Variants in UGT3A2 observed in about 807,000 individuals in gnomAD.
UGT3A2 encodes the protein UDP glycosyltransferase family 3 member A2.
A neutral mutation model predicts 39.8 loss-of-function variants in UGT3A2; 32 were observed. That is an observed-to-expected ratio of 0.80 (90% CI 0.61 to 1.08). The LOEUF is 1.08. Among genes scored for constraint, UGT3A2 ranks in the 50% least tolerant of loss-of-function variants. The pLI is 0.00. For missense variants in UGT3A2, 611 were observed against 637.1 expected, an observed-to-expected ratio of 0.96 and a Z score of 0.44; for synonymous variants, 241 against 230.7, an observed-to-expected ratio of 1.04 and a Z score of -0.40.
At chr5:36,040,525 G>A (rs1232103503) in intron 4 of UGT3A2, among the ~76,000 whole-genome samples, 4 of 152,174 alleles carry the variant, frequency 2.6e-5, no homozygotes, top group Admixed American at 1.3e-4. Context: ...CAGAATCTGT[G>A]TGCTTAGGGG....
intron 4 of UGT3A2, among the ~76,000 whole-genome samples, chr5:36,043,822 T>C (rs1581000932): frequency 6.6e-6 from 1 of 152,074 alleles, no homozygotes; most frequent in East Asian, 1.9e-4. Flanking sequence ...ATCCTGAACC[T>C]GAACAGACCA....
At chr5:36,054,547 G>A (rs1300861349) in intron 2 of UGT3A2, among the ~76,000 whole-genome samples, 2 of 152,032 alleles carry the variant, frequency 1.3e-5, no homozygotes, top group African/African-American at 4.8e-5. Context: ...TGAGAGTCTG[G>A]GTGTAATCCA....
chr5:36,037,690 T>G lies in UGT3A2; in HGVS notation c.1295+107A>C, dbSNP rs556917401. Reference sequence around the variant, plus strand: ...TCCCATGTCCTGGAAAATACAGTTTTAATCTAAAGCAAAACAAAACAAAAC... The same window carrying G: ...TCCCATGTCCTGGAAAATACAGTTTGAATCTAAAGCAAAACAAAACAAAAC... On this transcript the variant is annotated intron_variant, in intron 6 of 6. Coordinates refer to ENST00000282507, the MANE Select transcript of UGT3A2 (RefSeq NM_174914.4). 2.1e-5 allele frequency: 26 copies of G among 1,209,554 alleles called. No individual in the cohort carries two copies. The African/African-American group carries it at 2.4e-4, about 11-fold the overall frequency. 74.9% of individuals were successfully genotyped at this position (1,209,554 alleles called of 1,614,324 possible). A position where few individuals can be genotyped will look rare whatever the true frequency, so the allele number is the denominator to read the frequency against.
chr5:36,053,282 T>C (rs1742405940), intron 2 of UGT3A2, among the ~76,000 whole-genome samples: 1 of 152,212 alleles, frequency 6.6e-6, no homozygotes. Flanking sequence ...CAAAGGATCA[T>C]TTGGTTAGTT....
intron 2 of UGT3A2, 63 bp from the exon 3 acceptor site, chr5:36,052,047 C>T (rs1319801690): frequency 2.0e-6 from 2 of 985,504 alleles, no homozygotes; most frequent in African/African-American, 3.3e-5. Flanking sequence ...GTAACATTAG[C>T]ATAACAATAT....
chr5:36,040,407 A>G (rs917106542), intron 4 of UGT3A2, among the ~76,000 whole-genome samples: 16 of 152,028 alleles, frequency 1.1e-4, no homozygotes, highest in African/African-American at 3.9e-4. Context: ...CATAAGAACA[A>G]AAAAAAATGA....
At chr5:36,060,589 A>G (rs929097955) in intron 2 of UGT3A2, among the ~76,000 whole-genome samples, 10 of 152,082 alleles carry the variant, frequency 6.6e-5, no homozygotes, top group African/African-American at 2.2e-4. Context: ...AGAAGCGGGG[A>G]GCTCTTTTCT....
At chr5:36,051,120 G>A (rs944593122) in intron 3 of UGT3A2, among the ~76,000 whole-genome samples, 5 of 152,114 alleles carry the variant, frequency 3.3e-5, no homozygotes, top group Non-Finnish European at 7.3e-5. Context: ...GTTCCAGCTT[G>A]GGTGAGGAGG....
At chr5:36,052,253 T>C (rs775875922) in intron 2 of UGT3A2, among the ~76,000 whole-genome samples, 1 of 152,238 alleles carries the variant, frequency 6.6e-6, no homozygotes, top group Non-Finnish European at 1.5e-5. Flanking sequence ...TTGGTATAGT[T>C]TGTGTTTAAA....
chr5:36,052,243 T>C (rs1049896428), intron 2 of UGT3A2, among the ~76,000 whole-genome samples: 3 of 152,214 alleles, frequency 2.0e-5, no homozygotes, highest in Admixed American at 1.3e-4. Flanking sequence ...GTGTGAGACA[T>C]TGGTATAGTT....
At position 36,048,916 on chromosome 5, in the gene UGT3A2, C is replaced by CAT. The variant is rs1182578157; in HGVS notation, c.814_815dup (p.Met272IlefsTer28). The CAT allele has an allele frequency of 6.2e-7, 1 of 1,613,918 alleles. No individual in the cohort carries two copies. Among genetic ancestry groups the CAT allele is most frequent in the African/African-American group, 1.3e-5 (1 of 74,898 alleles). On this transcript the variant is annotated frameshift_variant, in exon 4 of 7. Transcript: ENST00000282507. LOFTEE classifies it high-confidence loss of function. Reference sequence around the variant, plus strand: ...GTGGTACTGGTTTAATAGGTTTTTCCATCAAGCCTCCAACATAAACAGTGT... The same window carrying CAT: ...GTGGTACTGGTTTAATAGGTTTTTCCATATCAAGCCTCCAACATAAACAGTGT...
At chr5:36,066,544 A>G (rs1418793797) in intron 1 of UGT3A2, 152 bp downstream of exon 1, 32 of 1,474,748 alleles carry the variant, frequency 2.2e-5, no homozygotes, top group Non-Finnish European at 2.7e-5. Flanking sequence ...TCTGCCCCAC[A>G]GCTGAATGGG....
At chr5:36,049,813 C>A (rs1045343085) in intron 3 of UGT3A2, among the ~76,000 whole-genome samples, 6 of 152,094 alleles carry the variant, frequency 3.9e-5, no homozygotes, top group African/African-American at 1.2e-4. Context: ...TTTATCCAAC[C>A]AAATTGTGTA....
Position 36,051,902 on chromosome 5 carries a change from A to G in UGT3A2, c.279T>C (p.Phe93=). 1 of 1,595,106 alleles carries G rather than the reference A, an allele frequency of 6.3e-7. No individual in the cohort carries two copies. The highest frequency in any genetic ancestry group is 8.5e-7 in the Non-Finnish European group (1 of 1,175,524). The change falls in exon 3 of 7, where the codon TTT becomes TTC. Residue 93 remains phenylalanine (F), a synonymous_variant. Transcript: ENST00000282507. ...EDHQREFKKS[F]DFFLEETLGG... ...CTAAAGTTTCTTCCAGAAAGAAATC[A>G]AAACTCTTTTTAAATTCTCTTTGAT...
Position 36,066,852 on chromosome 5 carries a change from A to C in UGT3A2, c.-63T>G. The C allele has an allele frequency of 6.3e-7, 1 of 1,592,294 alleles. No individual in the cohort carries two copies. The highest frequency in any genetic ancestry group is 8.6e-7 in the Non-Finnish European group (1 of 1,160,628). ...TGCGCGCCCTGCGCCCGGCTAAGGG[A>C]CCCTGTGCACCTCAGTGCGCCAAAG... On this transcript the variant is annotated 5_prime_UTR_variant, in exon 1 of 7. Transcript: ENST00000282507.
chr5:36,065,148 C>A (rs533632668), intron 1 of UGT3A2, among the ~76,000 whole-genome samples: 252 of 152,108 alleles, frequency 1.7e-3, no homozygotes, highest in African/African-American at 6.0e-3. Flanking sequence ...TAATACACAG[C>A]CTTTGCTTGA....
At position 36,035,515 on chromosome 5, in the gene UGT3A2, A is replaced by G; in HGVS notation, c.*183T>C. 1.2e-6 allele frequency: 1 copy of G among 851,710 alleles called. No individual in the cohort carries two copies. The highest frequency in any genetic ancestry group is 1.8e-6 in the Non-Finnish European group (1 of 560,346). The allele number at this position is 851,710 out of a possible 1,614,324, so 52.8% of individuals were successfully genotyped here. ...ATTCTGCTAGCAGGCAGGAGCTAGT[A>G]AGGATGAATTTGTAGCAAAATTAGC... On this transcript the variant is annotated 3_prime_UTR_variant, in exon 7 of 7. Coordinates refer to ENST00000282507, the MANE Select transcript of UGT3A2 (RefSeq NM_174914.4).
chr5:36,035,790 C>A lies in UGT3A2; in HGVS notation c.1480G>T (p.Gly494Trp), dbSNP rs138134433. The change falls in exon 7 of 7, where the codon GGG becomes TGG. Residue 494 changes from glycine to tryptophan, a missense_variant. Coordinates refer to ENST00000282507, the MANE Select transcript of UGT3A2 (RefSeq NM_174914.4). ...AGCCATAGAGTCCCCAGAGTGAGCCCCAGCAGAAACACAAAAACGTCGAGC... is the reference window on the plus strand; with the variant it reads ...AGCCATAGAGTCCCCAGAGTGAGCCACAGCAGAAACACAAAAACGTCGAGC... ...YLLDVFVFLL[G>W]LTLGTLWLCG... The A allele has an allele frequency of 4.8e-4, 782 of 1,614,124 alleles. 2 individuals are homozygous for A. The highest frequency in any genetic ancestry group is 6.1e-4 in the Non-Finnish European group (721 of 1,180,036).
rs765723414 is a variant in UGT3A2, at chr5:36,039,623, G to T, written c.929C>A (p.Pro310Gln). Reference protein sequence around the residue: ...LGSMVNTCQNPEIFKEMNNAF... With the variant: ...LGSMVNTCQNQEIFKEMNNAF... ...ATTGTTCATCTCCTTGAAGATTTCC[G>T]GATTCTGACAGGTGTTCACCATGGA... is the stretch of plus-strand genomic sequence containing the variant. The change falls in exon 5 of 7, where the codon CCG (proline) becomes CAG (glutamine). Residue 310 changes from proline to glutamine, a missense_variant. By Grantham distance (76) the Pro-to-Gln change is moderately conservative. Coordinates refer to ENST00000282507, the MANE Select transcript of UGT3A2 (RefSeq NM_174914.4). 1 of 1,614,140 alleles carries T rather than the reference G, an allele frequency of 6.2e-7. No homozygotes were observed.
Sources: allele counts gnomAD v4.1 joint callset (sites outside exome capture counted in the v4.1 genomes callset), GRCh38; gene constraint gnomAD v4.1.1; transcripts MANE v1.5; gene names NCBI Gene and HGNC (gene_info 2026-07-23, HGNC 2026-07-21).